The following TRIM48 variants were observed in gnomAD, a reference collection of about 807,000 sequenced individuals.
The protein encoded by TRIM48 is E3 ubiquitin-protein ligase TRIM48.
Under a neutral mutation model 29.5 loss-of-function variants are expected in TRIM48, and 31 were observed. The observed-to-expected ratio is 1.05, with a 90% CI of 0.79 to 1.42. The LOEUF is 1.42. Ranked by LOEUF, TRIM48 falls within the 40% of genes most tolerant of loss-of-function variation. The pLI is 0.00. For synonymous variants in TRIM48, 128 were observed against 90.6 expected (o/e 1.41, Z -2.34); for missense variants, 344 against 265.0 (o/e 1.30, Z -2.07).
intron 3 of TRIM48, 116 bp from the exon 4 acceptor site, chr11:55,268,234 A>C (rs1857422618): frequency 5.2e-6 from 5 of 955,556 alleles, no homozygotes; most frequent in Non-Finnish European, 8.1e-6. Flanking sequence ...GCTTTGCAGA[A>C]GAGAAGAAGG....
chr11:55,269,676 T>C (rs1272813954), intron 5 of TRIM48, among the ~76,000 whole-genome samples: 19 of 147,442 alleles, frequency 1.3e-4, no homozygotes, highest in Non-Finnish European at 2.5e-4. Context: ...TTTACATTTC[T>C]TTGGTGTATT....
At position 55,267,717 on chromosome 11, in the gene TRIM48, C is replaced by T. The variant is rs183677391; in HGVS notation, c.556-633C>T. ...TTTCCTCATGGCTGAAATCCATCTC[C>T]CTACCTTTATTTCCATGATGTGTTT... is the stretch of plus-strand genomic sequence containing the variant. On this transcript the variant is annotated intron_variant, in intron 3 of 5. Transcript: ENST00000417545. 920 of 1,518,904 alleles carry T rather than the reference C, an allele frequency of 6.1e-4. 77 individuals carry two copies. The African/African-American group carries it at 0.011, about 19-fold the overall frequency. 94.1% of individuals were successfully genotyped at this position (1,518,904 alleles called of 1,614,324 possible).
At position 55,265,677 on chromosome 11, in the gene TRIM48, C is replaced by T. The variant is rs1257257131; in HGVS notation, c.537C>T (p.Thr179=). Residue 179 remains threonine, a synonymous_variant, in exon 3 of 6, where the codon ACC becomes ACT. Transcript: ENST00000417545. ...ENQRNLNVET[T]RISHWKAFGD... ...AGAGAAACCTGAATGTGGAAACCAC[C>T]AGAATCAGCCACTGGAAGGTTAGTC... 3 of 1,579,964 alleles carry T rather than the reference C, an allele frequency of 1.9e-6. No individual in the cohort carries two copies. The highest frequency in any genetic ancestry group is 2.6e-6 in the Non-Finnish European group (3 of 1,164,696).
Position 55,268,342 on chromosome 11 carries a change from T to TA in TRIM48, c.556-8_556-7insA, listed in dbSNP as rs1857424574. ...TGCACTAAATCTTTCTATTTTTTTT[T>TA]TTTACAGGCTTTTGGAGACATATTA... On this transcript the variant is annotated splice_polypyrimidine_tract_variant and splice_region_variant and intron_variant, in intron 3 of 5. Transcript: ENST00000417545. 1 of 1,548,092 alleles carries TA rather than the reference T, an allele frequency of 6.5e-7. No individual in the cohort carries two copies. Among genetic ancestry groups the TA allele is most frequent in the Admixed American group, 1.8e-5 (1 of 57,048 alleles).
chr11:55,269,619 A>G (rs1857449477), intron 5 of TRIM48, among the ~76,000 whole-genome samples: 1 of 147,546 alleles, frequency 6.8e-6, no homozygotes, highest in Non-Finnish European at 1.5e-5. Flanking sequence ...GAGCAAATGG[A>G]ACAATGCTCA....
At chr11:55,268,519 G>T in intron 4 of TRIM48, 147 bp downstream of exon 4, 1 of 739,406 alleles carries the variant, frequency 1.4e-6, no homozygotes, top group South Asian at 2.1e-5. Flanking sequence ...GAAAAGACAA[G>T]ACCACTAAGT....
At chr11:55,268,746 G>A (rs1176339817) in intron 4 of TRIM48, among the ~76,000 whole-genome samples, 1 of 147,818 alleles carries the variant, frequency 6.8e-6, no homozygotes, top group Admixed American at 6.9e-5. Flanking sequence ...ACACATATCA[G>A]TTAACAGTTC....
At chr11:55,266,368 G>T (rs1472183481) in intron 3 of TRIM48, among the ~76,000 whole-genome samples, 1 of 147,282 alleles carries the variant, frequency 6.8e-6, no homozygotes, top group African/African-American at 2.5e-5. Context: ...TACTCTGAGG[G>T]TATGATAGCT....
rs192227388 is a variant in TRIM48 at position 55,270,536 on chromosome 11, A to G, written c.*101A>G. 1.1e-4 allele frequency: 177 copies of G among 1,582,472 alleles called. 28 individuals are homozygous for G. The highest frequency in any genetic ancestry group is 8.6e-4 in the South Asian group (72 of 83,624). On this transcript the variant is annotated 3_prime_UTR_variant, in exon 6 of 6. Transcript: ENST00000417545. The stretch of plus-strand genomic sequence containing the variant: ...GGATGTGACCGTCAAAATCCGCCCC[A>G]TATCACTGCAACACCTACAAGTTTT...
rs531204933 is a variant in TRIM48 at position 55,269,798 on chromosome 11, A to C, written c.*1+459A>C. Among the ~76,000 whole-genome samples the C allele has an allele frequency of 2.0e-5, 3 of 147,934 alleles. No homozygotes were observed. The Admixed American group carries it at 2.1e-4, about 10-fold the overall frequency. Reference sequence around the variant, plus strand: ...TTATGTATTTCCAAGAAAATTAGTTAATGGGTAAAAATAAAAAGAAATCAT... The same window carrying C: ...TTATGTATTTCCAAGAAAATTAGTTCATGGGTAAAAATAAAAAGAAATCAT... On this transcript the variant is annotated intron_variant, in intron 5 of 5. Coordinates refer to ENST00000417545, the MANE Select transcript of TRIM48 (RefSeq NM_024114.5).
rs976432281 is a variant in TRIM48 at position 55,262,350 on chromosome 11, C to G, written c.44+39C>G. ...ATATTGATAAAATTATATCTTCTTT[C>G]CTTTACAAAATAATAAATTAGAGTG... On this transcript the variant is annotated intron_variant, in intron 1 of 5. Transcript: ENST00000417545. 5.2e-5 allele frequency: 74 copies of G among 1,419,242 alleles called. 3 individuals carry two copies. The highest frequency in any genetic ancestry group is 6.6e-5 in the Non-Finnish European group (68 of 1,029,252). 87.9% of individuals were successfully genotyped at this position (1,419,242 alleles called of 1,614,324 possible). A position where few individuals can be genotyped will look rare whatever the true frequency, so the allele number is the denominator to read the frequency against.
In TRIM48 at chr11:55,268,743, T is replaced by C. The variant is rs964531106; in HGVS notation, c.578+371T>C. ...TTTGTTGTTCATACCTATACACATA[T>C]CAGTTAACAGTTCCGAAAAATAGAT... is the stretch of plus-strand genomic sequence containing the variant. On this transcript the variant is annotated intron_variant, in intron 4 of 5. Transcript: ENST00000417545. Among the ~76,000 whole-genome samples the C allele has an allele frequency of 1.4e-5, 2 of 147,702 alleles. 1 individual carries two copies. Among genetic ancestry groups the C allele is most frequent in the Non-Finnish European group, 3.0e-5 (2 of 66,934 alleles).
chr11:55,268,091 A>G (rs1857420571), intron 3 of TRIM48, among the ~76,000 whole-genome samples: 1 of 147,830 alleles, frequency 6.8e-6, no homozygotes, highest in South Asian at 2.4e-4. Flanking sequence ...CGAGGTTACC[A>G]TGGAGCATAG....
chr11:55,269,150 A>G (rs1396206869), intron 4 of TRIM48, 92 bp from the exon 5 acceptor site: 1 of 1,469,684 alleles, frequency 6.8e-7, no homozygotes, highest in Non-Finnish European at 9.1e-7. Flanking sequence ...TGTGGGTTCA[A>G]AGGATTCTCA....
At chr11:55,267,391 C>G (rs1857409713) in intron 3 of TRIM48, 1 of 1,569,764 alleles carries the variant, frequency 6.4e-7, no homozygotes, top group African/African-American at 1.4e-5. Flanking sequence ...TTTTGACTAA[C>G]CCATTATTAC....
In TRIM48 at chr11:55,265,894, G is replaced by T. The variant is rs547700887; in HGVS notation, c.555+199G>T. On this transcript the variant is annotated intron_variant, in intron 3 of 5. Coordinates refer to ENST00000417545, the MANE Select transcript of TRIM48 (RefSeq NM_024114.5). ...ATTAGATGGGATTTCTAACAAAACC[G>T]TTGATGTTACCCAAAGCATGCTGAT... is the stretch of plus-strand genomic sequence containing the variant. Among the ~76,000 whole-genome samples, 106 of 146,790 alleles carry T rather than the reference G, an allele frequency of 7.2e-4. 10 individuals carry two copies. Among genetic ancestry groups the T allele is most frequent in the African/African-American group, 2.4e-3 (98 of 40,244 alleles).
chr11:55,263,799 T>G (rs1172883676), intron 1 of TRIM48, among the ~76,000 whole-genome samples: 1 of 152,224 alleles, frequency 6.6e-6, no homozygotes, highest in Non-Finnish European at 1.5e-5. Context: ...GTTCCAAATA[T>G]AGGCTGTCTT....
rs750315036 is a variant in TRIM48, at chr11:55,265,672, A to G, written c.532A>G (p.Thr178Ala). 3 of 1,581,284 alleles carry G rather than the reference A, an allele frequency of 1.9e-6. No homozygotes were observed. The highest frequency in any genetic ancestry group is 2.6e-6 in the Non-Finnish European group (3 of 1,165,108). Reference sequence around the variant, plus strand: ...AAATCAGAGAAACCTGAATGTGGAAACCACCAGAATCAGCCACTGGAAGGT... The same window carrying G: ...AAATCAGAGAAACCTGAATGTGGAAGCCACCAGAATCAGCCACTGGAAGGT... ...CENQRNLNVE[T>A]TRISHWKAFG... Residue 178 changes from threonine to alanine, a missense_variant, in exon 3 of 6, where the codon ACC becomes GCC. By Grantham distance (58) the Thr-to-Ala change is moderately conservative (BLOSUM62 0). Coordinates refer to ENST00000417545, the MANE Select transcript of TRIM48 (RefSeq NM_024114.5).
In TRIM48 at chr11:55,264,956, G is replaced by A; in HGVS notation, c.101G>A (p.Cys34Tyr). Residue 34 changes from cysteine to tyrosine, a missense_variant, in exon 2 of 6, where the codon TGC becomes TAC. Coordinates refer to ENST00000417545, the MANE Select transcript of TRIM48 (RefSeq NM_024114.5). ...VFQRELTCPICMNYFIDPVTI... is the reference protein window; with the variant it reads ...VFQRELTCPIYMNYFIDPVTI... ...CAGAGGGAACTCACCTGCCCCATCTGCATGAACTACTTCATAGACCCGGTC... is the reference window on the plus strand; with the variant it reads ...CAGAGGGAACTCACCTGCCCCATCTACATGAACTACTTCATAGACCCGGTC... 1 of 1,584,276 alleles carries A rather than the reference G, an allele frequency of 6.3e-7. No individual in the cohort carries two copies. Among genetic ancestry groups the A allele is most frequent in the Non-Finnish European group, 8.6e-7 (1 of 1,166,276 alleles).
Sources: allele counts gnomAD v4.1 joint callset (sites outside exome capture counted in the v4.1 genomes callset), GRCh38; gene constraint gnomAD v4.1.1; transcripts MANE v1.5; gene names NCBI Gene and HGNC (gene_info 2026-07-23, HGNC 2026-07-21).